SCLY: variants seen among roughly 807,000 people sequenced by gnomAD.
The protein encoded by SCLY is selenocysteine lyase.
Under a neutral mutation model 50.1 loss-of-function variants are expected in SCLY, and 38 were observed. The ratio of observed to expected loss-of-function variants is 0.76; its 90% CI spans 0.59 to 0.99. SCLY has a LOEUF of 0.99. Among genes scored for constraint, SCLY ranks in the 50% least tolerant of loss-of-function variants. SCLY has a pLI of 0.00. For synonymous variants in SCLY, 243 were observed against 249.4 expected (o/e 0.97, Z 0.24); for missense variants, 600 against 620.0 (o/e 0.97, Z 0.34).
In SCLY at chr2:238,098,833, CTT is replaced by C. The variant is rs1691372526; in HGVS notation, c.*479_*480del. ...CAAATGCTATCATGAACGTAGGAAACTTGATTTTTTTGTTTTGATCATGGCCT... is the reference window on the plus strand; with the variant it reads ...CAAATGCTATCATGAACGTAGGAAACGATTTTTTTGTTTTGATCATGGCCT... On this transcript the variant is annotated 3_prime_UTR_variant, in exon 12 of 12. Coordinates refer to ENST00000254663, the MANE Select transcript of SCLY (RefSeq NM_016510.7). The C allele has an allele frequency of 3.3e-6, 1 of 303,090 alleles. No individual in the cohort carries two copies. The highest frequency in any genetic ancestry group is 1.4e-4 in the South Asian group (1 of 7,016). The allele number at this position is 303,090 out of a possible 1,614,324, so 18.8% of individuals were successfully genotyped here. A position where few individuals can be genotyped will look rare whatever the true frequency, so the allele number is the denominator to read the frequency against.
At chr2:238,078,328 A>G (rs1356574528) in intron 4 of SCLY, among the ~76,000 whole-genome samples, 1 of 152,094 alleles carries the variant, frequency 6.6e-6, no homozygotes, top group African/African-American at 2.4e-5. Flanking sequence ...TAATGTTACT[A>G]TTGACATAGT....
In SCLY at chr2:238,081,747, G is replaced by A. The variant is rs3210400; in HGVS notation, c.523G>A (p.Ala175Thr). Residue 175 changes from alanine (A) to threonine (T), a missense_variant, in exon 5 of 12, where the codon GCA becomes ACA. Physicochemically the swap from Ala to Thr is moderately conservative, Grantham distance 58 (BLOSUM62 0). Transcript: ENST00000254663. ...CCCGGTGTCCAAGGTGAGCGGGCAG[G>A]CAGAGGTGGACGACATCCTCGCGGC... is the stretch of plus-strand genomic sequence containing the variant. ...FVPVSKVSGQ[A>T]EVDDILAAVR... 0.39 allele frequency: 631,702 copies of A among 1,613,838 alleles called. 130,876 individuals carry two copies. The highest frequency in any genetic ancestry group is 0.43 in the Non-Finnish European group (501,652 of 1,179,848).
chr2:238,079,068 C>CTTTTTTTTTTTTTTTTTTTTTTT (rs59238768), intron 4 of SCLY: 2 of 93,182 alleles, frequency 2.1e-5, no homozygotes, highest in Non-Finnish European at 2.0e-5. Flanking sequence ...CTTTCTTTTT[C>CTTTTTTTTTTTTTTTTTTTTTTT]TTTTTTTTTT....
intron 9 of SCLY, 44 bp downstream of exon 9, chr2:238,093,988 G>T (rs890738605): frequency 8.4e-6 from 13 of 1,552,142 alleles, no homozygotes; most frequent in East Asian, 4.5e-5. Context: ...GAGGGTGCGT[G>T]GGGCAGGTGC....
At chr2:238,091,346 C>T in intron 8 of SCLY, 92 bp downstream of exon 8, 1 of 1,022,154 alleles carries the variant, frequency 9.8e-7, no homozygotes, top group Non-Finnish European at 1.6e-6. Context: ...TTAGGGAGAT[C>T]ATATTCGTGA....
At chr2:238,091,152 T>C (rs776367069) in intron 7 of SCLY, 66 bp from the exon 8 acceptor site, 5 of 1,377,586 alleles carry the variant, frequency 3.6e-6, no homozygotes, top group Non-Finnish European at 4.1e-6. Context: ...CACAATGACT[T>C]TCATGGAGAC....
chr2:238,098,613 CCA>C lies in SCLY; in HGVS notation c.*261_*262del. ...CATAGGACCGCCCACATAGGACCGCCCACATGGGACCGCCCACATGGGACCGC... is the reference window on the plus strand; with the variant it reads ...CATAGGACCGCCCACATAGGACCGCCCATGGGACCGCCCACATGGGACCGC... On this transcript the variant is annotated 3_prime_UTR_variant, in exon 12 of 12. Coordinates refer to ENST00000254663, the MANE Select transcript of SCLY (RefSeq NM_016510.7). 4.8e-6 allele frequency: 2 copies of C among 416,340 alleles called. No homozygotes were observed. Among genetic ancestry groups the C allele is most frequent in the Non-Finnish European group, 8.5e-6 (2 of 234,460 alleles). 25.8% of individuals were successfully genotyped at this position (416,340 alleles called of 1,614,324 possible). A position where few individuals can be genotyped will look rare whatever the true frequency, so the allele number is the denominator to read the frequency against.
chr2:238,082,918 T>TC (rs2065252976), intron 6 of SCLY: 1 of 329,914 alleles, frequency 3.0e-6, no homozygotes, highest in South Asian at 2.6e-5. Flanking sequence ...TGCATTCTCT[T>TC]TCTTTTTTTT....
intron 4 of SCLY, among the ~76,000 whole-genome samples, chr2:238,072,305 G>T (rs1460122725): frequency 6.6e-6 from 1 of 152,118 alleles, no homozygotes; most frequent in East Asian, 1.9e-4. Flanking sequence ...CATTTAGGTT[G>T]TTTCCATTTG....
chr2:238,062,550 C>T (rs1347476147), intron 1 of SCLY, among the ~76,000 whole-genome samples: 2 of 152,186 alleles, frequency 1.3e-5, no homozygotes, highest in Non-Finnish European at 2.9e-5. Context: ...GCTGGGATTA[C>T]AGGCACGTGC....
Position 238,083,019 on chromosome 2 carries a change from G to A in SCLY, c.778-229G>A. The stretch of plus-strand genomic sequence containing the variant: ...GGAGAGCTGCCTGCCACAGAGCTGA[G>A]CACGAGAGTCTAGCACCTGCGCTGC... On this transcript the variant is annotated intron_variant, in intron 6 of 11. Transcript: ENST00000254663. The surrounding 1 kb of genome is among the most constrained non-coding windows in gnomAD (Gnocchi z 4.3). 1 of 613,758 alleles carries A rather than the reference G, an allele frequency of 1.6e-6. No individual in the cohort carries two copies. The highest frequency in any genetic ancestry group is 1.6e-5 in the South Asian group (1 of 63,458). The allele number at this position is 613,758 out of a possible 1,614,324, so 38.0% of individuals were successfully genotyped here.
rs779702856 is a variant in SCLY, at chr2:238,096,755, A to G, written c.1109-46A>G. 1.9e-6 allele frequency: 3 copies of G among 1,573,850 alleles called. No homozygotes were observed. In the South Asian group the frequency reaches 3.5e-5, roughly 18 times the overall value. On this transcript the variant is annotated intron_variant, in intron 10 of 11. Transcript: ENST00000254663. ...GACCCCGGGAAGGGACAGAAGGGCA[A>G]CCTGGCTGGAGCCCCATCTCAGGGG... is the stretch of plus-strand genomic sequence containing the variant.
Position 238,093,017 on chromosome 2 carries a change from C to T in SCLY, c.922-844C>T, listed in dbSNP as rs540905148. ...AAAACCTGTCCCGACTGCTCTCCTCCAACCCTCTTCCCACCCTGGGCACCT... is the reference window on the plus strand; with the variant it reads ...AAAACCTGTCCCGACTGCTCTCCTCTAACCCTCTTCCCACCCTGGGCACCT... On this transcript the variant is annotated intron_variant, in intron 8 of 11. Transcript: ENST00000254663. 411 of 153,060 alleles carry T rather than the reference C, an allele frequency of 2.7e-3. 2 individuals are homozygous for T. Among genetic ancestry groups the T allele is most frequent in the Non-Finnish European group, 3.4e-3 (230 of 68,578 alleles). The allele number at this position is 153,060 out of a possible 1,614,324, so 9.5% of individuals were successfully genotyped here. A position where few individuals can be genotyped will look rare whatever the true frequency, so the allele number is the denominator to read the frequency against.
In SCLY at chr2:238,066,146, G is replaced by A. The variant is rs534802068; in HGVS notation, c.202+1677G>A. On this transcript the variant is annotated intron_variant, in intron 2 of 11. Coordinates refer to ENST00000254663, the MANE Select transcript of SCLY (RefSeq NM_016510.7). This position sits in a 1 kb window ranked among gnomAD's most constrained non-coding sequence, Gnocchi z 4.1. ...TTTTTATGAAAAATAAACTATCTTC[G>A]GCAAAACAAGAAACCTAGTGAGCAT... Among the ~76,000 whole-genome samples, 2 of 152,004 alleles carry A rather than the reference G, an allele frequency of 1.3e-5. No homozygotes were observed. The highest frequency in any genetic ancestry group is 4.8e-5 in the African/African-American group (2 of 41,366).
intron 4 of SCLY, chr2:238,079,002 A>G (rs1202849281): frequency 6.9e-6 from 1 of 145,494 alleles, no homozygotes; most frequent in Admixed American, 6.8e-5. Context: ...CACAAATATC[A>G]TTGTAGTTAA....
chr2:238,084,155 GGTGT>G (rs1207552793), intron 7 of SCLY, among the ~76,000 whole-genome samples: 6 of 152,148 alleles, frequency 3.9e-5, no homozygotes, highest in South Asian at 2.1e-4. Context: ...ACCACCACCG[GGTGT>G]GTCAAGAAGG....
Position 238,090,945 on chromosome 2 carries a change from T to C in SCLY, c.885-273T>C, listed in dbSNP as rs73098341. On this transcript the variant is annotated intron_variant, in intron 7 of 11. Transcript: ENST00000254663. ...CCTACAGGAGGCAGAGTGCTTGCTT[T>C]GGGTAGGAAAAGGGTCCAGATAGAA... 1.7e-3 allele frequency among the ~76,000 whole-genome samples: 250 copies of C among 150,182 alleles called. 2 individuals are homozygous for C. The highest frequency in any genetic ancestry group is 5.8e-3 in the African/African-American group (239 of 41,368).
At chr2:238,074,859 A>G (rs2065158423) in intron 4 of SCLY, among the ~76,000 whole-genome samples, 1 of 152,178 alleles carries the variant, frequency 6.6e-6, no homozygotes, top group South Asian at 2.1e-4. Flanking sequence ...ATCTACAGCT[A>G]GAGATAGTTT....
At chr2:238,076,758 CAT>C (rs1399297367) in intron 4 of SCLY, among the ~76,000 whole-genome samples, 12 of 150,836 alleles carry the variant, frequency 8.0e-5, no homozygotes, top group East Asian at 5.8e-4. Context: ...GTTTAATTTC[CAT>C]ATGTTTTTTA....
Sources: allele counts gnomAD v4.1 joint callset (sites outside exome capture counted in the v4.1 genomes callset), GRCh38; gene constraint gnomAD v4.1.1; non-coding constraint Gnocchi (gnomAD v3.1); transcripts MANE v1.5; gene names NCBI Gene and HGNC (gene_info 2026-07-23, HGNC 2026-07-21).